Variants in PROS1 observed in about 807,000 individuals in gnomAD.
The protein encoded by PROS1 is protein S.
PROS1 carries 29 observed loss-of-function variants against 75.9 expected under a neutral mutation model. That is an observed-to-expected ratio of 0.38 (90% confidence interval 0.28 to 0.52). PROS1 has a LOEUF of 0.52. Among genes scored for constraint, PROS1 ranks in the 20% least tolerant of loss-of-function variants. PROS1 has a pLI of 0.83. For missense variants in PROS1, 680 were observed against 810.3 expected (o/e 0.84, Z 1.95); for synonymous variants, 245 against 280.6 (o/e 0.87, Z 1.27).
At chr3:93,930,351 A>G (rs1477905955) in intron 1 of PROS1, among the ~76,000 whole-genome samples, 1 of 152,214 alleles carries the variant, frequency 6.6e-6, no homozygotes, top group African/African-American at 2.4e-5. Flanking sequence ...CTAGTTTGTA[A>G]TAAATACAGC....
At chr3:93,903,852 A>C (rs530742641) in intron 6 of PROS1, among the ~76,000 whole-genome samples, 2 of 151,696 alleles carry the variant, frequency 1.3e-5, no homozygotes, top group East Asian at 1.9e-4. Flanking sequence ...TCTAGGGTAC[A>C]TGTGCACATT....
chr3:93,952,465 C>A (rs920032925), intron 1 of PROS1, among the ~76,000 whole-genome samples: 2 of 152,106 alleles, frequency 1.3e-5, no homozygotes, highest in African/African-American at 4.8e-5. Flanking sequence ...GAACAACCTG[C>A]TCCTGAATGA....
Position 93,927,402 on chromosome 3 carries a change from A to G in PROS1, c.82T>C (p.Ser28Pro), listed in dbSNP as rs776526548. Residue 28 changes from serine (S) to proline (P), a missense_variant, in exon 2 of 15, where the codon TCA becomes CCA. Coordinates refer to ENST00000394236, the MANE Select transcript of PROS1 (RefSeq NM_000313.4). ...AGGACTTGTGAAGCCTGTTGCTTTG[A>G]CAAAACTGAAGGAAACAATCAGTTT... The part of the protein sequence containing the change: ...VLPVSEANFL[S>P]KQQASQVLVR... 1.2e-6 allele frequency: 2 copies of G among 1,614,056 alleles called. No individual in the cohort carries two copies. Among genetic ancestry groups the G allele is most frequent in the Admixed American group, 1.7e-5 (1 of 60,002 alleles).
intron 1 of PROS1, among the ~76,000 whole-genome samples, chr3:93,949,555 T>A (rs1313784477): frequency 6.6e-6 from 1 of 151,822 alleles, no homozygotes; most frequent in Non-Finnish European, 1.5e-5. Flanking sequence ...GCCACTTACA[T>A]GAAAGAAATT....
chr3:93,893,137 AAG>A lies in PROS1; in HGVS notation c.966-17_966-16del, dbSNP rs766534890. ...CTGCTGAAAATCTAAACAATGGACA[AAG>A]AGAGATCCTTAAGAGTAAGAAATAC... On this transcript the variant is annotated splice_polypyrimidine_tract_variant and intron_variant, in intron 9 of 14. Coordinates refer to ENST00000394236, the MANE Select transcript of PROS1 (RefSeq NM_000313.4). 6.3e-7 allele frequency: 1 copy of A among 1,599,870 alleles called. No homozygotes were observed. Among genetic ancestry groups the A allele is most frequent in the Non-Finnish European group, 8.5e-7 (1 of 1,169,812 alleles).
At chr3:93,924,620 T>C (rs1289612689) in intron 2 of PROS1, among the ~76,000 whole-genome samples, 2 of 151,926 alleles carry the variant, frequency 1.3e-5, no homozygotes, top group African/African-American at 4.8e-5. Context: ...GTCATAATGG[T>C]CACCTACACC....
intron 3 of PROS1, among the ~76,000 whole-genome samples, chr3:93,916,436 A>C (rs1490018546): frequency 6.6e-6 from 1 of 152,342 alleles, no homozygotes; most frequent in African/African-American, 2.4e-5. Context: ...GCTTAAACAC[A>C]TAAGGCACAT....
chr3:93,926,505 G>T (rs995446009), intron 2 of PROS1, among the ~76,000 whole-genome samples: 1 of 152,088 alleles, frequency 6.6e-6, no homozygotes, highest in Non-Finnish European at 1.5e-5. Flanking sequence ...GGTGGCATAC[G>T]CCTCTAATCC....
At chr3:93,904,085 G>A (rs976669055) in intron 6 of PROS1, among the ~76,000 whole-genome samples, 1 of 150,628 alleles carries the variant, frequency 6.6e-6, no homozygotes, top group East Asian at 2.0e-4. Context: ...TTGTTCTTGC[G>A]ATAGTTTACT....
intron 1 of PROS1, chr3:93,958,780 A>G (rs1461529155): frequency 6.6e-6 from 1 of 152,276 alleles, no homozygotes; most frequent in East Asian, 1.9e-4. Flanking sequence ...CCATTCATAT[A>G]AGATGGGACT....
In PROS1 at chr3:93,903,436, G is replaced by A. The variant is rs1238619337; in HGVS notation, c.601+2348C>T. Among the ~76,000 whole-genome samples the A allele has an allele frequency of 2.0e-5, 3 of 152,230 alleles. No homozygotes were observed. In the South Asian group the frequency reaches 6.2e-4, roughly 32 times the overall value. ...CCCACGACCTTGTGAGGTTGAAGTG[G>A]ATGGATCACTTCAACCCAAGAATTT... On this transcript the variant is annotated intron_variant, in intron 6 of 14. Transcript: ENST00000394236.
intron 1 of PROS1, among the ~76,000 whole-genome samples, chr3:93,951,286 A>G (rs1387612810): frequency 6.6e-6 from 1 of 152,180 alleles, no homozygotes; most frequent in Admixed American, 6.5e-5. Flanking sequence ...TCCAAGAAAC[A>G]TAACTGTCAG....
intron 3 of PROS1, among the ~76,000 whole-genome samples, chr3:93,911,929 G>A (rs1386826038): frequency 6.6e-6 from 1 of 152,128 alleles, no homozygotes; most frequent in African/African-American, 2.4e-5. Flanking sequence ...AAGGGTATGT[G>A]GAATGGAAGA....
intron 3 of PROS1, among the ~76,000 whole-genome samples, chr3:93,914,348 T>A (rs1235788496): frequency 6.6e-6 from 1 of 152,188 alleles, no homozygotes; most frequent in East Asian, 1.9e-4. Context: ...GCTCTTGCAT[T>A]CTGTGCACCT....
intron 9 of PROS1, among the ~76,000 whole-genome samples, 186 bp downstream of exon 9, chr3:93,896,390 T>C (rs906903140): frequency 2.0e-5 from 3 of 152,204 alleles, no homozygotes; most frequent in Non-Finnish European, 1.5e-5. Flanking sequence ...AAAAAGGTTT[T>C]AGGATGAAAA....
chr3:93,878,279 T>TAAAACA lies in PROS1; in HGVS notation c.1644+878_1644+883dup, dbSNP rs1178492517. Among the ~76,000 whole-genome samples the TAAAACA allele has an allele frequency of 2.0e-5, 3 of 152,132 alleles. No homozygotes were observed. In the East Asian group the frequency reaches 5.8e-4, roughly 29 times the overall value. ...AGAAAGCTCCTTAAAGGCAGGAGAT[T>TAAAACA]AAAACAAAAACAAAAACAAAAAAAA... On this transcript the variant is annotated intron_variant, in intron 13 of 14. Coordinates refer to ENST00000394236, the MANE Select transcript of PROS1 (RefSeq NM_000313.4).
intron 1 of PROS1, among the ~76,000 whole-genome samples, chr3:93,964,789 C>T (rs902329576): frequency 2.5e-4 from 38 of 152,130 alleles, no homozygotes; most frequent in South Asian, 4.1e-4. Context: ...CCTACAGATA[C>T]GTGGCGTCAC....
intron 1 of PROS1, among the ~76,000 whole-genome samples, chr3:93,940,944 C>T (rs13085785): frequency 0.37 from 56,801 of 152,022 alleles, 11,662 homozygotes; most frequent in East Asian, 0.54. Context: ...CCCTCTGGTG[C>T]CCAACCCGTA....
At chr3:93,906,439 G>A (rs1280898774) in intron 4 of PROS1, among the ~76,000 whole-genome samples, 2 of 152,194 alleles carry the variant, frequency 1.3e-5, no homozygotes, top group African/African-American at 4.8e-5. Flanking sequence ...GAGCAGATAG[G>A]AGCCCCACAC....
Sources: allele counts gnomAD v4.1 joint callset (sites outside exome capture counted in the v4.1 genomes callset), GRCh38; gene constraint gnomAD v4.1.1; transcripts MANE v1.5; gene names NCBI Gene and HGNC (gene_info 2026-07-23, HGNC 2026-07-21).